Variants in ELP5 observed in about 807,000 individuals in gnomAD.
ELP5 encodes elongator complex protein 5.
In ELP5, 34 loss-of-function variants were observed where a neutral mutation model predicts 33.4. The observed-to-expected ratio is 1.02, with a 90% CI of 0.78 to 1.36. The LOEUF is 1.36. Ranked by LOEUF, ELP5 falls within the 40% of genes most tolerant of loss-of-function variation. The pLI is 0.00. For synonymous variants in ELP5, 161 were observed against 146.4 expected (o/e 1.10, Z -0.72); for missense variants, 373 against 371.7 (o/e 1.00, Z -0.03).
rs547383906 is a variant in ELP5 at position 7,258,418 on chromosome 17, C to T, written c.592-170C>T. On this transcript the variant is annotated intron_variant, in intron 5 of 7. Transcript: ENST00000396628. ...GAGCTAAGATCACGCCACTGTACTC[C>T]AGCCTGGGCAACAAAGCCAGACCCT... Among the ~76,000 whole-genome samples, 3 of 146,980 alleles carry T rather than the reference C, an allele frequency of 2.0e-5. No individual in the cohort carries two copies. The South Asian group carries it at 6.4e-4, about 31-fold the overall frequency.
chr17:7,252,842 A>C lies in ELP5; in HGVS notation c.107+12A>C, dbSNP rs367641384. On this transcript the variant is annotated intron_variant, in intron 2 of 7. Coordinates refer to ENST00000396628, the MANE Select transcript of ELP5 (RefSeq NM_203414.3). ...AAATCTGCACTGTGGTGAGTATCCC[A>C]CAGTGTCTCCCCGGCCTACCCTGGA... is the stretch of plus-strand genomic sequence containing the variant. 307 of 1,614,076 alleles carry C rather than the reference A, an allele frequency of 1.9e-4. No individual in the cohort carries two copies. Among genetic ancestry groups the C allele is most frequent in the Non-Finnish European group, 2.5e-4 (297 of 1,180,028 alleles).
Position 7,254,730 on chromosome 17 carries a change from G to T in ELP5, c.336G>T (p.Trp112Cys). Reference sequence around the variant, plus strand: ...CCATTGCTCTCGATTCACTCAGCTGGCTGCTACTTCGCCTTCCCTGCACCA... The same window carrying T: ...CCATTGCTCTCGATTCACTCAGCTGTCTGCTACTTCGCCTTCCCTGCACCA... Reference protein sequence around the residue: ...PVTIALDSLSWLLLRLPCTTL... With the variant: ...PVTIALDSLSCLLLRLPCTTL... Residue 112 changes from tryptophan (W) to cysteine (C), a missense_variant, in exon 4 of 8, where the codon TGG (tryptophan) becomes TGT (cysteine). Trp to Cys is a radical substitution (Grantham distance 215). Transcript: ENST00000396628. 1 of 1,614,098 alleles carries T rather than the reference G, an allele frequency of 6.2e-7. No individual in the cohort carries two copies. Among genetic ancestry groups the T allele is most frequent in the Non-Finnish European group, 8.5e-7 (1 of 1,180,032 alleles).
rs2072169450 is a variant in ELP5 at position 7,259,715 on chromosome 17, A to AG, written c.*35dup. 2.5e-6 allele frequency: 4 copies of AG among 1,613,724 alleles called. No homozygotes were observed. The highest frequency in any genetic ancestry group is 1.3e-5 in the African/African-American group (1 of 74,900). ...CCAGATTTGATTAGATTGTAATTGG[A>AG]GGGGGCGCGGGAAGACTTTGGGCCC... On this transcript the variant is annotated 3_prime_UTR_variant, in exon 8 of 8. Coordinates refer to ENST00000396628, the MANE Select transcript of ELP5 (RefSeq NM_203414.3).
intron 7 of ELP5, 117 bp downstream of exon 7, chr17:7,259,043 C>T (rs2143001678): frequency 1.3e-6 from 2 of 1,504,606 alleles, no homozygotes; most frequent in Non-Finnish European, 1.8e-6. Flanking sequence ...AAGTCCACCT[C>T]CAGAGACAAG....
chr17:7,255,471 T>G (rs1167658450), intron 4 of ELP5, among the ~76,000 whole-genome samples: 77 of 149,520 alleles, frequency 5.1e-4, no homozygotes, highest in African/African-American at 1.8e-3. Context: ...GAGCTTGCAG[T>G]GAGCTGAGAT....
At chr17:7,256,040 A>G (rs1247123230) in intron 4 of ELP5, among the ~76,000 whole-genome samples, 1 of 150,766 alleles carries the variant, frequency 6.6e-6, no homozygotes, top group Non-Finnish European at 1.5e-5. Context: ...TGGGTGACAG[A>G]GAAAGACGTC....
intron 3 of ELP5, among the ~76,000 whole-genome samples, chr17:7,253,283 G>A (rs938710377): frequency 1.3e-5 from 2 of 152,182 alleles, no homozygotes; most frequent in African/African-American, 4.8e-5. Context: ...ACTCTTTAAG[G>A]TACATATGTA....
intron 3 of ELP5, 56 bp downstream of exon 3, chr17:7,253,054 A>G: frequency 6.4e-7 from 1 of 1,558,478 alleles, no homozygotes; most frequent in Non-Finnish European, 8.9e-7. Context: ...TGCTAAGGAA[A>G]TTTCTTTACA....
rs546778286 is a variant in ELP5, at chr17:7,252,293, C to T, written c.-258C>T. The T allele has an allele frequency of 3.3e-5, 19 of 575,248 alleles. No individual in the cohort carries two copies. Among genetic ancestry groups the T allele is most frequent in the Non-Finnish European group, 5.3e-5 (17 of 319,034 alleles). 35.6% of individuals were successfully genotyped at this position (575,248 alleles called of 1,614,324 possible). On this transcript the variant is annotated 5_prime_UTR_variant, in exon 1 of 8. Transcript: ENST00000396628. ...CCCACTGACAACTGCCCCAACTGCT[C>T]TTCCCGCCCCGGTCACAGTGAAAAT...
intron 3 of ELP5, among the ~76,000 whole-genome samples, chr17:7,253,498 G>A (rs2143000286): frequency 6.6e-6 from 1 of 152,292 alleles, no homozygotes; most frequent in South Asian, 2.1e-4. Flanking sequence ...TGACTAATAT[G>A]GGGGAGAAGA....
At position 7,258,657 on chromosome 17, in the gene ELP5, C is replaced by G; in HGVS notation, c.661C>G (p.Pro221Ala). The change falls in exon 6 of 8, where the codon CCC (proline) becomes GCC (alanine). Residue 221 changes from proline to alanine, a missense_variant. Physicochemically the swap from Pro to Ala is conservative, Grantham distance 27. Transcript: ENST00000396628. Reference protein sequence around the residue: ...LQEGPSVESQPYSDPHIPPVD... With the variant: ...LQEGPSVESQAYSDPHIPPVD... ...AGAGGGGCCCTCTGTAGAGTCCCAG[C>G]CCTACTCCGATCCTCATATACCCCC... The G allele has an allele frequency of 6.2e-7, 1 of 1,614,144 alleles. No homozygotes were observed. The highest frequency in any genetic ancestry group is 1.1e-5 in the South Asian group (1 of 91,082).
chr17:7,259,463 C>T, intron 7 of ELP5, 108 bp from the exon 8 acceptor site: 1 of 1,545,474 alleles, frequency 6.5e-7, no homozygotes, highest in Non-Finnish European at 8.7e-7. Flanking sequence ...AATAAAATGA[C>T]ATGGAGGCCT....
chr17:7,258,448 C>CA (rs34867349), intron 5 of ELP5, 140 bp from the exon 6 acceptor site: 277,252 of 616,606 alleles, frequency 0.45, 34,165 homozygotes, highest in African/African-American at 0.74. Flanking sequence ...GACCCTGTCT[C>CA]AAAAAAAAAA....
chr17:7,252,221 C>A lies in ELP5; in HGVS notation c.-330C>A. The A allele has an allele frequency of 2.3e-6, 1 of 433,676 alleles. No individual in the cohort carries two copies. Among genetic ancestry groups the A allele is most frequent in the South Asian group, 2.1e-5 (1 of 47,642 alleles). The allele number at this position is 433,676 out of a possible 1,614,324, so 26.9% of individuals were successfully genotyped here. A position where few individuals can be genotyped will look rare whatever the true frequency, so the allele number is the denominator to read the frequency against. ...GGGCGGGGAGAGTGACGTCACTTGG[C>A]CCGCGCTTAGGGCCCTCGCGGGGGG... On this transcript the variant is annotated 5_prime_UTR_variant, in exon 1 of 8. Transcript: ENST00000396628.
At chr17:7,256,224 C>A (rs1322092997) in intron 4 of ELP5, among the ~76,000 whole-genome samples, 1 of 152,164 alleles carries the variant, frequency 6.6e-6, no homozygotes, top group Non-Finnish European at 1.5e-5. Flanking sequence ...TGGCACGCGC[C>A]TGTAGTCCCA....
chr17:7,256,005 G>A (rs2072067084), intron 4 of ELP5, among the ~76,000 whole-genome samples: 1 of 151,898 alleles, frequency 6.6e-6, no homozygotes, highest in Admixed American at 6.6e-5. Flanking sequence ...GCAGTGAGCT[G>A]AGATCACGCC....
At chr17:7,252,723 G>A (rs2071973064) in intron 1 of ELP5, 47 bp from the exon 2 acceptor site, 1 of 1,613,438 alleles carries the variant, frequency 6.2e-7, no homozygotes, top group East Asian at 2.2e-5. Flanking sequence ...TCGCGAAGGC[G>A]GTAATCCCAG....
At chr17:7,257,108 A>G (rs2072095806) in intron 5 of ELP5, 70 bp downstream of exon 5, 2 of 1,435,422 alleles carry the variant, frequency 1.4e-6, no homozygotes, top group Non-Finnish European at 9.2e-7. Context: ...GGGAAGAACA[A>G]TGAAAATGCT....
chr17:7,257,307 G>A (rs1167870309), intron 5 of ELP5, among the ~76,000 whole-genome samples: 1 of 151,940 alleles, frequency 6.6e-6, no homozygotes, highest in East Asian at 1.9e-4. Context: ...GCTGATTTAG[G>A]TATTTCTCTG....
Sources: gnomAD v4.1 joint callset for allele counts (sites outside exome capture counted in the v4.1 genomes callset) on GRCh38, gnomAD v4.1.1 for gene constraint, MANE v1.5 for transcripts, NCBI Gene and HGNC (gene_info 2026-07-23, HGNC 2026-07-21) for gene names.